Variants in IMMT observed in about 807,000 individuals in gnomAD.
IMMT encodes the protein inner membrane mitochondrial protein, also known as MICOS complex subunit MIC60.
Under a neutral mutation model 92.7 loss-of-function variants are expected in IMMT, and 40 were observed. The observed-to-expected ratio is 0.43, with a 90% CI of 0.34 to 0.56. The LOEUF is 0.56. Among genes scored for constraint, IMMT ranks in the 20% least tolerant of loss-of-function variants. The probability of loss-of-function intolerance (pLI) is 0.03; values close to 1 mark genes in which losing one functional copy is unlikely to be tolerated. For missense variants in IMMT, 831 were observed against 912.1 expected, an observed-to-expected ratio of 0.91 and a Z score of 1.14; for synonymous variants, 322 against 336.1, an observed-to-expected ratio of 0.96 and a Z score of 0.46.
chr2:86,158,679 G>C lies in IMMT; in HGVS notation c.1075C>G (p.His359Asp). Residue 359 changes from histidine (H) to aspartate (D), a missense_variant, in exon 10 of 15, where the codon CAT becomes GAT. Transcript: ENST00000410111. ...TCCCGAGCTTGGACCACCAGCTCAT[G>C]ATACTGAGATACAACCTTAGCCTCA... ...QSEAKVVSQY[H>D]ELVVQARDDF... The C allele has an allele frequency of 1.2e-6, 2 of 1,605,340 alleles. No homozygotes were observed. The highest frequency in any genetic ancestry group is 1.7e-6 in the Non-Finnish European group (2 of 1,175,508).
chr2:86,165,674 T>C (rs1160261192), intron 7 of IMMT, among the ~76,000 whole-genome samples: 1 of 152,204 alleles, frequency 6.6e-6, no homozygotes, highest in Non-Finnish European at 1.5e-5. Flanking sequence ...CTTAATGTAA[T>C]TATAAAATAA....
rs938326928 is a variant in IMMT at position 86,166,488 on chromosome 2, T to C, written c.792+20A>G. On this transcript the variant is annotated intron_variant, in intron 7 of 14. Coordinates refer to ENST00000410111, the MANE Select transcript of IMMT (RefSeq NM_006839.3). ...CAAGTCATGACAGCCAGAACACTTC[T>C]AATCATTCATTGGGCTCACCTCAGA... The C allele has an allele frequency of 6.3e-7, 1 of 1,598,098 alleles. No homozygotes were observed. Among genetic ancestry groups the C allele is most frequent in the South Asian group, 1.1e-5 (1 of 88,492 alleles).
At position 86,146,136 on chromosome 2, in the gene IMMT, A is replaced by C. The variant is rs766100087; in HGVS notation, c.1595T>G (p.Val532Gly). 1 of 1,608,682 alleles carries C rather than the reference A, an allele frequency of 6.2e-7. No homozygotes were observed. Among genetic ancestry groups the C allele is most frequent in the Non-Finnish European group, 8.5e-7 (1 of 1,176,236 alleles). The part of the protein sequence containing the change: ...LQFRRLSQEQ[V>G]DNFTLDINTA... ...ATTTATATCCAGAGTAAAGTTGTCA[A>C]CTTGCTCTTGACTGAGACGACGAAA... The change falls in exon 14 of 15, where the codon GTT (valine) becomes GGT (glycine). Residue 532 changes from valine to glycine, a missense_variant. Val to Gly is a moderately radical substitution (Grantham distance 109). Transcript: ENST00000410111.
At chr2:86,169,184 C>T (rs1404568695) in intron 6 of IMMT, among the ~76,000 whole-genome samples, 1 of 152,148 alleles carries the variant, frequency 6.6e-6, no homozygotes, top group Non-Finnish European at 1.5e-5. Context: ...AAAAGAACAG[C>T]TGGAACAGCA....
chr2:86,161,799 C>T (rs1283526265), intron 8 of IMMT, among the ~76,000 whole-genome samples, 177 bp downstream of exon 8: 1 of 152,118 alleles, frequency 6.6e-6, no homozygotes, highest in Non-Finnish European at 1.5e-5. Flanking sequence ...CAGGTGTGAG[C>T]CACCGTGCCC....
At chr2:86,156,906 A>G (rs1675897923) in intron 10 of IMMT, among the ~76,000 whole-genome samples, 2 of 152,200 alleles carry the variant, frequency 1.3e-5, no homozygotes, top group Non-Finnish European at 2.9e-5. Flanking sequence ...GCCAATGAAT[A>G]AGAATTTCAA....
intron 2 of IMMT, among the ~76,000 whole-genome samples, chr2:86,180,653 G>T (rs900436453): frequency 6.6e-6 from 1 of 151,764 alleles, no homozygotes. Context: ...TCGAGAGGCC[G>T]AGGCGGATGG....
intron 1 of IMMT, among the ~76,000 whole-genome samples, chr2:86,189,505 C>T (rs1182199836): frequency 6.6e-6 from 1 of 152,156 alleles, no homozygotes; most frequent in South Asian, 2.1e-4. Flanking sequence ...GTTACACAGA[C>T]CATCTGTTCC....
intron 7 of IMMT, among the ~76,000 whole-genome samples, chr2:86,166,051 G>C (rs1676650565): frequency 1.3e-5 from 2 of 152,154 alleles, no homozygotes; most frequent in African/African-American, 2.4e-5. Flanking sequence ...TTACTCTAAG[G>C]CCAAGCACAG....
At chr2:86,170,452 TA>T (rs905920970) in intron 6 of IMMT, among the ~76,000 whole-genome samples, 2 of 152,200 alleles carry the variant, frequency 1.3e-5, no homozygotes, top group African/African-American at 4.8e-5. Flanking sequence ...GGCAAGCTGC[TA>T]AAACATAAAT....
intron 1 of IMMT, among the ~76,000 whole-genome samples, chr2:86,190,252 T>A (rs1673036438): frequency 6.6e-6 from 1 of 152,226 alleles, no homozygotes; most frequent in African/African-American, 2.4e-5. Flanking sequence ...CTGAGTAACA[T>A]AATGTTTCAT....
In IMMT at chr2:86,195,424, G is replaced by T; in HGVS notation, c.-42C>A. On this transcript the variant is annotated 5_prime_UTR_variant, in exon 1 of 15. Coordinates refer to ENST00000410111, the MANE Select transcript of IMMT (RefSeq NM_006839.3). ...GCGCTGCTGGTGGACTCGAGCTGCC[G>T]CGGCGGCGCGAGTTAAGTGGAGGCG... 1 of 1,541,186 alleles carries T rather than the reference G, an allele frequency of 6.5e-7. No individual in the cohort carries two copies. The highest frequency in any genetic ancestry group is 8.8e-7 in the Non-Finnish European group (1 of 1,142,574).
rs1675400713 is a variant in IMMT, at chr2:86,150,664, T to C, written c.1401+633A>G. ...ACAACAATAGCAGAGAAAAATATAC[T>C]CAGACTCCAACAAAGATTCGTTCAG... On this transcript the variant is annotated intron_variant, in intron 12 of 14. Coordinates refer to ENST00000410111, the MANE Select transcript of IMMT (RefSeq NM_006839.3). 2.0e-5 allele frequency among the ~76,000 whole-genome samples: 3 copies of C among 152,104 alleles called. No homozygotes were observed. In the South Asian group the frequency reaches 6.2e-4, roughly 32 times the overall value.
chr2:86,194,281 A>G (rs142346144), intron 1 of IMMT, among the ~76,000 whole-genome samples: 98 of 152,366 alleles, frequency 6.4e-4, no homozygotes, highest in Non-Finnish European at 8.4e-4. Context: ...ATCCGTGCCC[A>G]GACTTCTATC....
At chr2:86,165,959 T>C (rs1476440667) in intron 7 of IMMT, among the ~76,000 whole-genome samples, 2 of 152,242 alleles carry the variant, frequency 1.3e-5, no homozygotes, top group Non-Finnish European at 2.9e-5. Context: ...TGCATCGGTG[T>C]TGTAAGATAT....
chr2:86,171,545 T>C (rs993644459), intron 4 of IMMT, 200 bp from the exon 5 acceptor site: 5 of 548,522 alleles, frequency 9.1e-6, no homozygotes, highest in Non-Finnish European at 1.6e-5. Flanking sequence ...TGGACAATGG[T>C]TGGGAACGAA....
chr2:86,175,066 A>G (rs1231892762), intron 3 of IMMT, among the ~76,000 whole-genome samples: 1 of 152,186 alleles, frequency 6.6e-6, no homozygotes, highest in African/African-American at 2.4e-5. Context: ...CATTCTCATA[A>G]TTAAAGTTTG....
rs754674885 is a variant in IMMT, at chr2:86,151,465, A to G, written c.1233T>C (p.Arg411=). Residue 411 remains arginine (R), a synonymous_variant, in exon 12 of 15, where the codon CGT becomes CGC. Transcript: ENST00000410111. ...CCAGCTCTCTGTTCAGCTGATCAAT[A>G]CGACGATGTGCATGAGCAATGAGGG... ...LNSLIAHAHR[R]IDQLNRELAE... 1.2e-6 allele frequency: 2 copies of G among 1,613,892 alleles called. No individual in the cohort carries two copies. Among genetic ancestry groups the G allele is most frequent in the East Asian group, 4.5e-5 (2 of 44,892 alleles).
intron 10 of IMMT, among the ~76,000 whole-genome samples, chr2:86,155,826 G>A (rs1333446929): frequency 6.6e-6 from 1 of 152,084 alleles, no homozygotes; most frequent in Admixed American, 6.5e-5. Flanking sequence ...GGAGGGCTAG[G>A]GTAATCATGG....
Sources: allele counts gnomAD v4.1 joint callset (sites outside exome capture counted in the v4.1 genomes callset), GRCh38; gene constraint gnomAD v4.1.1; transcripts MANE v1.5; gene names NCBI Gene and HGNC (gene_info 2026-07-23, HGNC 2026-07-21).